The following MTHFD2L variants were observed in gnomAD, a reference collection of about 807,000 sequenced individuals.
MTHFD2L encodes the protein methylenetetrahydrofolate dehydrogenase (NADP+ dependent) 2 like, also known as bifunctional methylenetetrahydrofolate dehydrogenase/cyclohydrolase 2, mitochondrial.
A neutral mutation model predicts 34.9 loss-of-function variants in MTHFD2L; 29 were observed. That is an observed-to-expected ratio of 0.83 (90% confidence interval 0.62 to 1.13). The LOEUF is 1.13. Ranked by LOEUF, MTHFD2L falls within the 50% of genes most tolerant of loss-of-function variation. MTHFD2L has a pLI of 0.00. For synonymous variants in MTHFD2L, 167 were observed against 155.7 expected, an observed-to-expected ratio of 1.07 and a Z score of -0.54; for missense variants, 481 against 446.5, an observed-to-expected ratio of 1.08 and a Z score of -0.70.
chr4:74,262,153 A>C (rs1744756781), intron 6 of MTHFD2L, among the ~76,000 whole-genome samples: 1 of 151,998 alleles, frequency 6.6e-6, no homozygotes, highest in African/African-American at 2.4e-5. Context: ...TAAATACTTC[A>C]ATCAATAGTA....
At chr4:74,142,891 C>T (rs1560410541) in intron 1 of MTHFD2L, among the ~76,000 whole-genome samples, 1 of 152,150 alleles carries the variant, frequency 6.6e-6, no homozygotes, top group Non-Finnish European at 1.5e-5. Flanking sequence ...TACACTCTGC[C>T]ACTCGAGTAA....
intron 5 of MTHFD2L, among the ~76,000 whole-genome samples, chr4:74,207,734 T>C (rs1735587460): frequency 6.7e-6 from 1 of 150,128 alleles, no homozygotes; most frequent in South Asian, 2.1e-4. Flanking sequence ...TGCCTTCCCT[T>C]TGTGAGAATT....
upstream of MTHFD2L, among the ~76,000 whole-genome samples, chr4:74,155,110 T>G (rs1314597521): frequency 6.6e-6 from 1 of 152,184 alleles, no homozygotes; most frequent in Non-Finnish European, 1.5e-5. Context: ...AACAACTTTA[T>G]TAACTAGAGC....
rs76141424 is a variant in MTHFD2L at position 74,219,525 on chromosome 4, G to T, written c.713-5777G>T. On this transcript the variant is annotated intron_variant, in intron 5 of 7. Coordinates refer to ENST00000325278, the MANE Select transcript of MTHFD2L (RefSeq NM_001144978.3). ...GGTGCAGCAAGCCAGAGGATTAGTT[G>T]AAGACAATTAATGGACGATAAGAAT... 5.8e-3 allele frequency among the ~76,000 whole-genome samples: 883 copies of T among 152,198 alleles called. 11 individuals are homozygous for T. Among genetic ancestry groups the T allele is most frequent in the African/African-American group, 0.02 (848 of 41,536 alleles).
chr4:74,129,201 C>A (rs1045934429), intron 1 of MTHFD2L, among the ~76,000 whole-genome samples: 2 of 152,014 alleles, frequency 1.3e-5, no homozygotes, highest in Non-Finnish European at 2.9e-5. Flanking sequence ...AAACTGTTCA[C>A]AAGAATATTC....
At chr4:74,130,284 A>G (rs1722385791) in intron 1 of MTHFD2L, among the ~76,000 whole-genome samples, 1 of 152,150 alleles carries the variant, frequency 6.6e-6, no homozygotes, top group South Asian at 2.1e-4. Context: ...ACACAACAAA[A>G]AAAAGAAAAC....
At position 74,283,811 on chromosome 4, in the gene MTHFD2L, G is replaced by T. The variant is rs1747797590; in HGVS notation, c.931+2261G>T. 3.9e-5 allele frequency among the ~76,000 whole-genome samples: 6 copies of T among 152,118 alleles called. No individual in the cohort carries two copies. The South Asian group carries it at 1.0e-3, about 26-fold the overall frequency. ...TGGTAAAGAAGGCTTTGCCAGTGAG[G>T]CCATGACTCAGCCACCCACAGGAGC... On this transcript the variant is annotated intron_variant, in intron 7 of 7. Coordinates refer to ENST00000325278, the MANE Select transcript of MTHFD2L (RefSeq NM_001144978.3).
intron 6 of MTHFD2L, among the ~76,000 whole-genome samples, chr4:74,247,910 A>C (rs1341603708): frequency 6.6e-6 from 1 of 152,228 alleles, no homozygotes. Flanking sequence ...TTTTGCATCA[A>C]TGTTCATCAA....
chr4:74,199,966 C>A lies in MTHFD2L; in HGVS notation c.604+20C>A, dbSNP rs1339368482. On this transcript the variant is annotated intron_variant, in intron 4 of 7. Transcript: ENST00000325278. ...GAACAGGTTGGTAATTTGTGGTCTG[C>A]AGGACATGGATGCTAGGTGCTGAGC... is the stretch of plus-strand genomic sequence containing the variant. 1 of 1,612,870 alleles carries A rather than the reference C, an allele frequency of 6.2e-7. No individual in the cohort carries two copies. Among genetic ancestry groups the A allele is most frequent in the Non-Finnish European group, 8.5e-7 (1 of 1,179,272 alleles).
intron 5 of MTHFD2L, among the ~76,000 whole-genome samples, chr4:74,220,564 T>C (rs1168102902): frequency 6.6e-6 from 1 of 151,954 alleles, no homozygotes; most frequent in Non-Finnish European, 1.5e-5. Flanking sequence ...TCCAAGGGCA[T>C]AGTTTATCTT....
At chr4:74,173,474 C>G (rs1019091913) in intron 1 of MTHFD2L, among the ~76,000 whole-genome samples, 1 of 152,178 alleles carries the variant, frequency 6.6e-6, no homozygotes, top group Non-Finnish European at 1.5e-5. Flanking sequence ...CCACCATAAT[C>G]AGTGACAAGC....
At chr4:74,211,992 T>A (rs1736405402) in intron 5 of MTHFD2L, among the ~76,000 whole-genome samples, 1 of 152,202 alleles carries the variant, frequency 6.6e-6, no homozygotes, top group Non-Finnish European at 1.5e-5. Context: ...TATAGTATAT[T>A]CTTCTGGTAG....
At chr4:74,217,774 G>A (rs1034753808) in intron 5 of MTHFD2L, among the ~76,000 whole-genome samples, 1 of 149,962 alleles carries the variant, frequency 6.7e-6, no homozygotes, top group South Asian at 2.1e-4. Flanking sequence ...GTAGACTTTA[G>A]CTCTTATCAT....
At position 74,262,401 on chromosome 4, in the gene MTHFD2L, G is replaced by GTA. The variant is rs199616517; in HGVS notation, c.806-19013_806-19012dup. 8.5e-4 allele frequency among the ~76,000 whole-genome samples: 129 copies of GTA among 151,552 alleles called. 2 individuals carry two copies. In the East Asian group the frequency reaches 0.02, roughly 24 times the overall value. Reference sequence around the variant, plus strand: ...GTAAAAATAAACAGAAAAGCTGGAGGTATATATATATAATTCCTAAAATCT... The same window carrying GTA: ...GTAAAAATAAACAGAAAAGCTGGAGGTATATATATATATAATTCCTAAAATCT... On this transcript the variant is annotated intron_variant, in intron 6 of 7. Coordinates refer to ENST00000325278, the MANE Select transcript of MTHFD2L (RefSeq NM_001144978.3).
intron 7 of MTHFD2L, among the ~76,000 whole-genome samples, chr4:74,283,687 T>C (rs1417971971): frequency 6.6e-6 from 1 of 152,134 alleles, no homozygotes; most frequent in Non-Finnish European, 1.5e-5. Context: ...AAGGTCGAGC[T>C]TTTCTAATCC....
At chr4:74,271,054 G>A (rs185052684) in intron 6 of MTHFD2L, among the ~76,000 whole-genome samples, 5 of 152,170 alleles carry the variant, frequency 3.3e-5, no homozygotes, top group African/African-American at 9.6e-5. Context: ...TGAGTTATTT[G>A]TAGATTCTGA....
intron 3 of MTHFD2L, among the ~76,000 whole-genome samples, chr4:74,187,800 TACACACAC>T (rs61173269): frequency 6.4e-4 from 93 of 144,386 alleles, no homozygotes; most frequent in Non-Finnish European, 3.4e-4. Context: ...CCTGTGTATT[TACACACAC>T]ACACACACAC....
chr4:74,131,986 A>T (rs920650556), intron 1 of MTHFD2L, among the ~76,000 whole-genome samples: 2 of 152,208 alleles, frequency 1.3e-5, no homozygotes, highest in Non-Finnish European at 2.9e-5. Flanking sequence ...ATATATAAAA[A>T]GAAAGCTCAT....
intron 6 of MTHFD2L, among the ~76,000 whole-genome samples, chr4:74,260,358 G>A (rs889405501): frequency 2.6e-5 from 4 of 152,038 alleles, no homozygotes; most frequent in African/African-American, 9.7e-5. Flanking sequence ...AGATCTGTTT[G>A]GAGTATGCTG....
Sources: allele counts gnomAD v4.1 joint callset (sites outside exome capture counted in the v4.1 genomes callset), GRCh38; gene constraint gnomAD v4.1.1; transcripts MANE v1.5; gene names NCBI Gene and HGNC (gene_info 2026-07-23, HGNC 2026-07-21).